Variants in TSPAN14 observed in about 807,000 individuals in gnomAD.
TSPAN14 encodes tetraspanin 14.
In TSPAN14, 16 loss-of-function variants were observed where a neutral mutation model predicts 36.6. The ratio of observed to expected loss-of-function variants is 0.44; its 90% CI spans 0.30 to 0.66. The LOEUF is 0.66. Ranked by LOEUF, TSPAN14 falls within the 30% of genes least tolerant of loss-of-function variation. The pLI, the probability that TSPAN14 is intolerant of heterozygous loss-of-function variation, is 0.12. For missense variants in TSPAN14, 231 were observed against 355.1 expected (o/e 0.65, Z 2.81); for synonymous variants, 139 against 143.8 (o/e 0.97, Z 0.24).
intron 4 of TSPAN14, 61 bp downstream of exon 4, chr10:80,507,435 A>G: frequency 1.2e-6 from 2 of 1,610,268 alleles, no homozygotes; most frequent in African/African-American, 1.3e-5. Flanking sequence ...TCTGCTGGGC[A>G]GGATTATATG....
At chr10:80,518,764 T>C (rs1841092360) in exon 9 of TSPAN14, 1 of 152,776 alleles carries the variant, frequency 6.5e-6, no homozygotes, top group Non-Finnish European at 1.5e-5. Context: ...GTAAATAGTT[T>C]ATTTATAGGG....
intron 1 of TSPAN14, chr10:80,468,487 A>G (rs1418893975): frequency 6.6e-6 from 1 of 152,242 alleles, no homozygotes; most frequent in Non-Finnish European, 1.5e-5. Context: ...AGGAACAATA[A>G]AGATGGGTGG....
intron 1 of TSPAN14, among the ~76,000 whole-genome samples, chr10:80,461,419 A>G (rs549220048): frequency 2.6e-5 from 4 of 152,252 alleles, no homozygotes; most frequent in African/African-American, 9.6e-5. Flanking sequence ...TACCACAGTC[A>G]TTGTGTTTTG....
chr10:80,478,651 A>G (rs547685711), intron 1 of TSPAN14, among the ~76,000 whole-genome samples: 8 of 152,330 alleles, frequency 5.3e-5, no homozygotes, highest in Admixed American at 1.3e-4. Context: ...GGGCTTCTCA[A>G]TACATCTGAA....
chr10:80,488,307 A>G (rs919894775), intron 1 of TSPAN14, among the ~76,000 whole-genome samples: 2 of 152,218 alleles, frequency 1.3e-5, no homozygotes, highest in African/African-American at 4.8e-5. Context: ...TCAAAAAGGA[A>G]AGCAGCAAAG....
intron 1 of TSPAN14, among the ~76,000 whole-genome samples, chr10:80,480,180 A>T (rs1378146773): frequency 6.6e-6 from 1 of 150,974 alleles, no homozygotes; most frequent in East Asian, 1.9e-4. Flanking sequence ...TTATCAGCTT[A>T]AGGAGCTTTT....
At chr10:80,498,698 C>T (rs1220971395) in intron 2 of TSPAN14, among the ~76,000 whole-genome samples, 2 of 152,196 alleles carry the variant, frequency 1.3e-5, no homozygotes, top group African/African-American at 4.8e-5. Flanking sequence ...CATCTCTGCT[C>T]TGTCTGCCGT....
chr10:80,459,126 G>A (rs1418710578), intron 1 of TSPAN14, among the ~76,000 whole-genome samples: 1 of 152,174 alleles, frequency 6.6e-6, no homozygotes. Flanking sequence ...CCTGACACTG[G>A]TGTGAGACAG....
chr10:80,503,713 GC>G (rs1195828123), intron 2 of TSPAN14, among the ~76,000 whole-genome samples: 1 of 152,092 alleles, frequency 6.6e-6, no homozygotes, highest in African/African-American at 2.4e-5. Flanking sequence ...CTTTCCTTGA[GC>G]CCTTTCTTTC....
chr10:80,511,458 C>T lies in TSPAN14; in HGVS notation c.451-686C>T, dbSNP rs76325078. ...GGACCACACCAAGGTGCCGAGGGGG[C>T]CACAAAGGAGAGGACGCCACTCTCC... On this transcript the variant is annotated intron_variant, in intron 5 of 8. Coordinates refer to ENST00000429989, the Ensembl canonical transcript of TSPAN14. Among the ~76,000 whole-genome samples, 486 of 152,196 alleles carry T rather than the reference C, an allele frequency of 3.2e-3. 13 individuals are homozygous for T. In the East Asian group the frequency reaches 0.067, roughly 21 times the overall value.
rs1453588305 is a variant in TSPAN14 at position 80,509,928 on chromosome 10, G to GT, written c.450+460dup. ...CTCCCTGGGACCTTTTCCCCTTCCT[G>GT]TTTAAGAAGCCAGGGCTGCCTGGAG... On this transcript the variant is annotated intron_variant, in intron 5 of 8. Coordinates refer to ENST00000429989, the Ensembl canonical transcript of TSPAN14. This position sits in a 1 kb window ranked among gnomAD's most constrained non-coding sequence, Gnocchi z 4.7. 1 of 161,492 alleles carries GT rather than the reference G, an allele frequency of 6.2e-6. No homozygotes were observed. The highest frequency in any genetic ancestry group is 1.4e-5 in the Non-Finnish European group (1 of 73,186). The allele number at this position is 161,492 out of a possible 1,614,324, so 10.0% of individuals were successfully genotyped here.
intron 1 of TSPAN14, among the ~76,000 whole-genome samples, chr10:80,469,426 C>G (rs964774274): frequency 6.6e-6 from 1 of 152,166 alleles, no homozygotes. Context: ...TTGAGGTGCT[C>G]TCCTGATTTC....
chr10:80,515,083 G>C (rs951738642), intron 7 of TSPAN14, among the ~76,000 whole-genome samples: 1 of 152,182 alleles, frequency 6.6e-6, no homozygotes, highest in Non-Finnish European at 1.5e-5. Flanking sequence ...TTTTATTCTA[G>C]TTGCCTGAAT....
Position 80,509,561 on chromosome 10 carries a change from G to C in TSPAN14, c.450+90G>C, listed in dbSNP as rs977574015. 2.8e-6 allele frequency: 4 copies of C among 1,411,788 alleles called. No individual in the cohort carries two copies. In the African/African-American group the frequency reaches 5.7e-5, roughly 20 times the overall value. The allele number at this position is 1,411,788 out of a possible 1,614,324, so 87.5% of individuals were successfully genotyped here. On this transcript the variant is annotated intron_variant, in intron 5 of 8. Coordinates refer to ENST00000429989, the Ensembl canonical transcript of TSPAN14. The surrounding 1 kb of genome is among the most constrained non-coding windows in gnomAD (Gnocchi z 4.7). Reference sequence around the variant, plus strand: ...CTAGCAGGGGCATCAGGCCTTCTCTGTGGGTTGTCTGCCTGCAGCTTGGCA... The same window carrying C: ...CTAGCAGGGGCATCAGGCCTTCTCTCTGGGTTGTCTGCCTGCAGCTTGGCA...
chr10:80,514,113 C>T (rs185519928), intron 7 of TSPAN14, 50 bp downstream of exon 7: 34 of 1,533,194 alleles, frequency 2.2e-5, no homozygotes, highest in Non-Finnish European at 3.1e-5. Flanking sequence ...GTTTTATTCC[C>T]TGTGGTTCAA....
At chr10:80,511,993 T>C in intron 5 of TSPAN14, 151 bp from the exon 6 acceptor site, 3 of 1,244,806 alleles carry the variant, frequency 2.4e-6, no homozygotes, top group Non-Finnish European at 3.3e-6. Context: ...GCTTAGCATC[T>C]CTGCACATGG....
chr10:80,460,102 T>C (rs563602350), intron 1 of TSPAN14, among the ~76,000 whole-genome samples: 1 of 152,290 alleles, frequency 6.6e-6, no homozygotes, highest in South Asian at 2.1e-4. Flanking sequence ...TTACGATAGA[T>C]GTAGGAATTA....
At chr10:80,511,017 A>G (rs1333797252) in intron 5 of TSPAN14, among the ~76,000 whole-genome samples, 1 of 152,174 alleles carries the variant, frequency 6.6e-6, no homozygotes, top group Admixed American at 6.5e-5. Context: ...GGGGGAGACA[A>G]TTTTACCTGA....
At chr10:80,462,290 G>T (rs1480540529) in intron 1 of TSPAN14, among the ~76,000 whole-genome samples, 1 of 143,822 alleles carries the variant, frequency 7.0e-6, no homozygotes, top group Non-Finnish European at 1.5e-5. Context: ...CGGTCTTTGA[G>T]CTTGAGGTCA....
Sources: gnomAD v4.1 joint callset for allele counts (sites outside exome capture counted in the v4.1 genomes callset) on GRCh38, gnomAD v4.1.1 for gene constraint, Gnocchi (gnomAD v3.1) non-coding constraint, MANE v1.5 for transcripts, NCBI Gene and HGNC (gene_info 2026-07-23, HGNC 2026-07-21) for gene names.